CMTR2: variants seen among roughly 807,000 people sequenced by gnomAD.
The protein encoded by CMTR2 is cap methyltransferase 2.
In CMTR2, 40 loss-of-function variants were observed where a neutral mutation model predicts 49.8. The observed-to-expected ratio is 0.80, with a 90% CI of 0.62 to 1.04. CMTR2 has a LOEUF of 1.04. CMTR2 is among the 50% of genes least tolerant of loss of function. The pLI is 0.00. For synonymous variants in CMTR2, 326 were observed against 315.8 expected, an observed-to-expected ratio of 1.03 and a Z score of -0.34; for missense variants, 907 against 897.2, an observed-to-expected ratio of 1.01 and a Z score of -0.14.
At chr16:71,289,046 C>T (rs1047656436) in intron 1 of CMTR2, 90 bp downstream of exon 1, 9 of 152,348 alleles carry the variant, frequency 5.9e-5, no homozygotes, top group Admixed American at 2.0e-4. Context: ...GAGGCCCGGT[C>T]CCTGACCTGG....
chr16:71,281,717 C>T lies in CMTR2; in HGVS notation c.*1891G>A, dbSNP rs1440384016. On this transcript the variant is annotated 3_prime_UTR_variant, in exon 3 of 3. Coordinates refer to ENST00000434935, the MANE Select transcript of CMTR2 (RefSeq NM_018348.6). ...AAAACCCACGTTAAAAAGCAAAATA[C>T]ATTTGAGAATACTTCAGTGTTATAT... 6.6e-6 allele frequency: 1 copy of T among 151,944 alleles called. No homozygotes were observed. Among genetic ancestry groups the T allele is most frequent in the East Asian group, 1.9e-4 (1 of 5,194 alleles). 9.4% of individuals were successfully genotyped at this position (151,944 alleles called of 1,614,324 possible). A position where few individuals can be genotyped will look rare whatever the true frequency, so the allele number is the denominator to read the frequency against.
In CMTR2 at chr16:71,285,655, G is replaced by C; in HGVS notation, c.266C>G (p.Thr89Ser). 1 of 1,613,982 alleles carries C rather than the reference G, an allele frequency of 6.2e-7. No homozygotes were observed. The highest frequency in any genetic ancestry group is 8.5e-7 in the Non-Finnish European group (1 of 1,179,952). Residue 89 changes from threonine to serine, a missense_variant, in exon 3 of 3, where the codon ACT becomes AGT. Transcript: ENST00000434935. ...TTTCCCCGCTTTATTAGTGAAAGCA[G>C]TGTGCTCATGCCACTCATCCAGTTT... ...DKKLDEWHEH[T>S]AFTNKAGKII...
Position 71,283,903 on chromosome 16 carries a change from C to A in CMTR2, c.2018G>T (p.Cys673Phe). Residue 673 changes from cysteine to phenylalanine, a missense_variant, in exon 3 of 3, where the codon TGT becomes TTT. By Grantham distance (205) the Cys-to-Phe change is radical. Coordinates refer to ENST00000434935, the MANE Select transcript of CMTR2 (RefSeq NM_018348.6). The stretch of plus-strand genomic sequence containing the variant: ...CCTCAGGGGATCAGAGGATGTGGGA[C>A]AAACAAAAGTGATGAATCTAAAACA... ...HSCFRFITFVCPTSSDPLRTC... is the reference protein window; with the variant it reads ...HSCFRFITFVFPTSSDPLRTC... 1 of 1,613,914 alleles carries A rather than the reference C, an allele frequency of 6.2e-7. No individual in the cohort carries two copies. The highest frequency in any genetic ancestry group is 2.2e-5 in the East Asian group (1 of 44,872).
Position 71,284,126 on chromosome 16 carries a change from C to A in CMTR2, c.1795G>T (p.Val599Phe), listed in dbSNP as rs760101348. 2.0e-5 allele frequency: 33 copies of A among 1,613,928 alleles called. No homozygotes were observed. Among genetic ancestry groups the A allele is most frequent in the South Asian group, 1.2e-4 (11 of 91,074 alleles). Reference sequence around the variant, plus strand: ...AGTTCAGCTGATTCTAGGAGTCGAACTTCCAACGGTATATGCATTTTGATA... The same window carrying A: ...AGTTCAGCTGATTCTAGGAGTCGAAATTCCAACGGTATATGCATTTTGATA... ...RNIKMHIPLE[V>F]RLLESAELTT... is the part of the protein sequence containing the mutation. Residue 599 changes from valine (V) to phenylalanine (F), a missense_variant, in exon 3 of 3, where the codon GTT becomes TTT. Coordinates refer to ENST00000434935, the MANE Select transcript of CMTR2 (RefSeq NM_018348.6).
rs2041787253 is a variant in CMTR2 at position 71,289,132 on chromosome 16, T to C, written c.-80+4A>G. The C allele has an allele frequency of 6.6e-6, 1 of 152,186 alleles. No individual in the cohort carries two copies. Among genetic ancestry groups the C allele is most frequent in the African/African-American group, 2.4e-5 (1 of 41,390 alleles). 9.4% of individuals were successfully genotyped at this position (152,186 alleles called of 1,614,324 possible). On this transcript the variant is annotated splice_donor_region_variant and intron_variant, in intron 1 of 2. Transcript: ENST00000434935. The stretch of plus-strand genomic sequence containing the variant: ...GCCCGGAATCGTACCCAGGCCTGGA[T>C]TACCTTCGCCCACGCCCACTGGGGC...
chr16:71,281,750 T>C lies in CMTR2; in HGVS notation c.*1858A>G, dbSNP rs1598108779. On this transcript the variant is annotated 3_prime_UTR_variant, in exon 3 of 3. Transcript: ENST00000434935. ...AATACTTCAGTGTTATATATTCCAG[T>C]ACAGATTAGTGTCAACAAAACACTA... The C allele has an allele frequency of 6.6e-6, 1 of 152,110 alleles. No homozygotes were observed. Among genetic ancestry groups the C allele is most frequent in the Admixed American group, 6.5e-5 (1 of 15,280 alleles). The allele number at this position is 152,110 out of a possible 1,614,324, so 9.4% of individuals were successfully genotyped here. A position where few individuals can be genotyped will look rare whatever the true frequency, so the allele number is the denominator to read the frequency against.
At position 71,282,635 on chromosome 16, in the gene CMTR2, A is replaced by T. The variant is rs986050163; in HGVS notation, c.*973T>A. On this transcript the variant is annotated 3_prime_UTR_variant, in exon 3 of 3. Transcript: ENST00000434935. Reference sequence around the variant, plus strand: ...ATGGCTAATCTTTTGGTAAAGTGCTATTTTCACACTGAAAAAAAGAAATTA... The same window carrying T: ...ATGGCTAATCTTTTGGTAAAGTGCTTTTTTCACACTGAAAAAAAGAAATTA... 3.3e-5 allele frequency: 5 copies of T among 152,100 alleles called. No individual in the cohort carries two copies. Among genetic ancestry groups the T allele is most frequent in the Non-Finnish European group, 5.9e-5 (4 of 67,954 alleles). The allele number at this position is 152,100 out of a possible 1,614,324, so 9.4% of individuals were successfully genotyped here.
At position 71,284,180 on chromosome 16, in the gene CMTR2, G is replaced by A; in HGVS notation, c.1741C>T (p.Leu581=). The change falls in exon 3 of 3, where the codon CTG becomes TTG. Residue 581 remains leucine, a synonymous_variant. Coordinates refer to ENST00000434935, the MANE Select transcript of CMTR2 (RefSeq NM_018348.6). ...CGGAGAGTCGAAAAGCCCACCAGCA[G>A]GCACTTTATTTGATTGCTGGGTACT... is the stretch of plus-strand genomic sequence containing the variant. ...VVVPSNQIKC[L]LVGFSTLRNI... The A allele has an allele frequency of 1.2e-6, 2 of 1,613,932 alleles. No homozygotes were observed. The highest frequency in any genetic ancestry group is 1.1e-5 in the South Asian group (1 of 91,064).
chr16:71,285,654 A>C lies in CMTR2; in HGVS notation c.267T>G (p.Thr89=). 6.2e-7 allele frequency: 1 copy of C among 1,614,034 alleles called. No individual in the cohort carries two copies. The highest frequency in any genetic ancestry group is 8.5e-7 in the Non-Finnish European group (1 of 1,179,958). The part of the protein sequence containing the change: ...DKKLDEWHEH[T]AFTNKAGKII... Reference sequence around the variant, plus strand: ...TTTTCCCCGCTTTATTAGTGAAAGCAGTGTGCTCATGCCACTCATCCAGTT... The same window carrying C: ...TTTTCCCCGCTTTATTAGTGAAAGCCGTGTGCTCATGCCACTCATCCAGTT... The change falls in exon 3 of 3, where the codon ACT becomes ACG. Residue 89 remains threonine (T), a synonymous_variant. Transcript: ENST00000434935.
chr16:71,289,356 GGGCCCCGCAGCCGCGAATGCC>G lies in CMTR2; in HGVS notation c.-321_-301del. ...GCACCGGGAAGCCAGTCCCACCTCC[GGGCCCCGCAGCCGCGAATGCC>G]GGCAGACAGGGACCAGGAGGCACTC... On this transcript the variant is annotated 5_prime_UTR_variant, in exon 1 of 3. Coordinates refer to ENST00000434935, the MANE Select transcript of CMTR2 (RefSeq NM_018348.6). 6.6e-6 allele frequency: 1 copy of G among 152,238 alleles called. No individual in the cohort carries two copies. Among genetic ancestry groups the G allele is most frequent in the Admixed American group, 6.5e-5 (1 of 15,288 alleles). 9.4% of individuals were successfully genotyped at this position (152,238 alleles called of 1,614,324 possible).
In CMTR2 at chr16:71,285,813, A is replaced by G. The variant is rs1387698806; in HGVS notation, c.108T>C (p.Tyr36=). Residue 36 remains tyrosine, a synonymous_variant, in exon 3 of 3, where the codon TAT becomes TAC. Transcript: ENST00000434935. ...GCCACTCATTATTAAGTGGCTTGCCATAAGAAAAGTTCTTGGCAAAGAGTT... is the reference window on the plus strand; with the variant it reads ...GCCACTCATTATTAAGTGGCTTGCCGTAAGAAAAGTTCTTGGCAAAGAGTT... ...IFELFAKNFS[Y]GKPLNNEWQL... is the part of the protein sequence containing the mutation. The G allele has an allele frequency of 1.2e-6, 2 of 1,614,142 alleles. No individual in the cohort carries two copies.
chr16:71,284,718 T>C lies in CMTR2; in HGVS notation c.1203A>G (p.Ile401Met), dbSNP rs2041684011. 6.2e-7 allele frequency: 1 copy of C among 1,613,424 alleles called. No individual in the cohort carries two copies. The highest frequency in any genetic ancestry group is 1.3e-5 in the African/African-American group (1 of 74,932). Residue 401 changes from isoleucine (I) to methionine (M), a missense_variant, in exon 3 of 3, where the codon ATA becomes ATG. By Grantham distance (10) the Ile-to-Met change is conservative. Coordinates refer to ENST00000434935, the MANE Select transcript of CMTR2 (RefSeq NM_018348.6). ...GTTGAAATTTTTGCATAAAATATTGTATAGCACAATCCCTTAAATTATTCA... is the reference window on the plus strand; with the variant it reads ...GTTGAAATTTTTGCATAAAATATTGCATAGCACAATCCCTTAAATTATTCA... ...EKLNNLRDCA[I>M]QYFMQKFQLK...
Position 71,285,056 on chromosome 16 carries a change from A to C in CMTR2, c.865T>G (p.Tyr289Asp), listed in dbSNP as rs1260841092. 1 of 1,614,062 alleles carries C rather than the reference A, an allele frequency of 6.2e-7. No homozygotes were observed. The highest frequency in any genetic ancestry group is 2.2e-5 in the East Asian group (1 of 44,892). Residue 289 changes from tyrosine (Y) to aspartate (D), a missense_variant, in exon 3 of 3, where the codon TAC becomes GAC. By Grantham distance (160) the Tyr-to-Asp change is radical (BLOSUM62 -3). Coordinates refer to ENST00000434935, the MANE Select transcript of CMTR2 (RefSeq NM_018348.6). ...TGGTCAAAACAACAGTTTAGCAGGT[A>C]CATCAAGTTTATGGAACAATGTTCA... ...MFEHCSINLM[Y>D]LLNCCFDQVH... is the part of the protein sequence containing the mutation.
In CMTR2 at chr16:71,283,570, A is replaced by T. The variant is rs2041648011; in HGVS notation, c.*38T>A. 13 of 1,560,264 alleles carry T rather than the reference A, an allele frequency of 8.3e-6. No individual in the cohort carries two copies. The highest frequency in any genetic ancestry group is 7.8e-6 in the Non-Finnish European group (9 of 1,157,874). Reference sequence around the variant, plus strand: ...ACAGGATGCAAATACTGGGCAAATTATAAGAAATCATAAAGTTGAATCTCA... The same window carrying T: ...ACAGGATGCAAATACTGGGCAAATTTTAAGAAATCATAAAGTTGAATCTCA... On this transcript the variant is annotated 3_prime_UTR_variant, in exon 3 of 3. Transcript: ENST00000434935.
rs1174856572 is a variant in CMTR2 at position 71,282,627 on chromosome 16, A to G, written c.*981T>C. The stretch of plus-strand genomic sequence containing the variant: ...ACCATTTCATGGCTAATCTTTTGGT[A>G]AAGTGCTATTTTCACACTGAAAAAA... On this transcript the variant is annotated 3_prime_UTR_variant, in exon 3 of 3. Coordinates refer to ENST00000434935, the MANE Select transcript of CMTR2 (RefSeq NM_018348.6). 6.6e-6 allele frequency: 1 copy of G among 152,150 alleles called. No homozygotes were observed. The highest frequency in any genetic ancestry group is 1.9e-4 in the East Asian group (1 of 5,198). The allele number at this position is 152,150 out of a possible 1,614,324, so 9.4% of individuals were successfully genotyped here.
upstream of CMTR2, chr16:71,289,653 G>C (rs531813778): frequency 1.3e-5 from 2 of 150,706 alleles, no homozygotes; most frequent in Admixed American, 6.6e-5. Flanking sequence ...CGAAGGGGAG[G>C]GGGAGGGGGA....
At position 71,284,187 on chromosome 16, in the gene CMTR2, T is replaced by C. The variant is rs749535167; in HGVS notation, c.1734A>G (p.Ile578Met). Reference sequence around the variant, plus strand: ...TCGAAAAGCCCACCAGCAGGCACTTTATTTGATTGCTGGGTACTACAACCT... The same window carrying C: ...TCGAAAAGCCCACCAGCAGGCACTTCATTTGATTGCTGGGTACTACAACCT... ...DEQVVVPSNQIKCLLVGFSTL... is the reference protein window; with the variant it reads ...DEQVVVPSNQMKCLLVGFSTL... Residue 578 changes from isoleucine to methionine, a missense_variant, in exon 3 of 3, where the codon ATA becomes ATG. Transcript: ENST00000434935. The C allele has an allele frequency of 2.4e-5, 39 of 1,613,880 alleles. No individual in the cohort carries two copies. Among genetic ancestry groups the C allele is most frequent in the Non-Finnish European group, 3.3e-5 (39 of 1,179,946 alleles).
At position 71,284,313 on chromosome 16, in the gene CMTR2, C is replaced by T. The variant is rs764039394; in HGVS notation, c.1608G>A (p.Lys536=). ...SLGGAFNLDS[K]FRPKQQYSCS... ...AAGAATACTGCTGTTTTGGCCTAAA[C>T]TTGGAATCCAAATTAAAAGCTCCTC... Residue 536 remains lysine, a synonymous_variant, in exon 3 of 3, where the codon AAG becomes AAA. Coordinates refer to ENST00000434935, the MANE Select transcript of CMTR2 (RefSeq NM_018348.6). The T allele has an allele frequency of 1.9e-6, 3 of 1,613,788 alleles. No homozygotes were observed. The highest frequency in any genetic ancestry group is 2.5e-6 in the Non-Finnish European group (3 of 1,179,950).
At chr16:71,288,048 A>T (rs1400816436) in intron 2 of CMTR2, 1 of 152,222 alleles carries the variant, frequency 6.6e-6, no homozygotes, top group Non-Finnish European at 1.5e-5. Flanking sequence ...AACTTAAGTG[A>T]TTCAGACACT....
Sources: allele counts gnomAD v4.1 joint callset, GRCh38; gene constraint gnomAD v4.1.1; transcripts MANE v1.5; gene names NCBI Gene and HGNC (gene_info 2026-07-23, HGNC 2026-07-21).